MAP3K9: variants seen among roughly 807,000 people sequenced by gnomAD.
The protein encoded by MAP3K9 is mixed lineage kinase 1 (tyr and ser/thr specificity).
In MAP3K9, 46 loss-of-function variants were observed where a neutral mutation model predicts 95.8. The observed-to-expected ratio is 0.48, with a 90% confidence interval of 0.38 to 0.61. MAP3K9 has a LOEUF of 0.61. MAP3K9 is among the 20% of genes least tolerant of loss of function. The pLI, the probability that MAP3K9 is intolerant of heterozygous loss-of-function variation, is 0.00. For missense variants in MAP3K9, 1,296 were observed against 1,474.3 expected (o/e 0.88, Z 1.98); for synonymous variants, 533 against 593.8 (o/e 0.90, Z 1.49).
chr14:70,807,442 A>G (rs985327078), intron 1 of MAP3K9, among the ~76,000 whole-genome samples: 16 of 152,194 alleles, frequency 1.1e-4, no homozygotes, highest in Non-Finnish European at 1.9e-4. Flanking sequence ...GTGAGCTGAG[A>G]TTGCACCACT....
intron 9 of MAP3K9, among the ~76,000 whole-genome samples, chr14:70,735,248 G>T (rs547753647): frequency 6.6e-6 from 1 of 152,172 alleles, no homozygotes; most frequent in African/African-American, 2.4e-5. Context: ...TTTGTAGGAG[G>T]GGGGAACCAG....
chr14:70,738,399 C>T lies in MAP3K9; in HGVS notation c.1691-1G>A, dbSNP rs768544210. ...GTTTTGCTGCTTTCACCTGGTGTCA[C>T]TGTGAATCACAAGGGTTGGATAGGA... On this transcript the variant is annotated splice_acceptor_variant, in intron 7 of 11. Coordinates refer to ENST00000554752, the MANE Select transcript of MAP3K9 (RefSeq NM_001284230.2). LOFTEE classifies it high-confidence loss of function. 6.2e-6 allele frequency: 10 copies of T among 1,613,598 alleles called. No homozygotes were observed. Among genetic ancestry groups the T allele is most frequent in the Non-Finnish European group, 8.5e-6 (10 of 1,179,782 alleles).
At chr14:70,744,399 TCC>T (rs1422113214) in intron 5 of MAP3K9, among the ~76,000 whole-genome samples, 2 of 152,170 alleles carry the variant, frequency 1.3e-5, no homozygotes. Context: ...GCCAACTTAA[TCC>T]AGCTTAAAAT....
chr14:70,761,464 C>A lies in MAP3K9; in HGVS notation c.821-282G>T, dbSNP rs117296116. Among the ~76,000 whole-genome samples, 14 of 152,312 alleles carry A rather than the reference C, an allele frequency of 9.2e-5. 1 individual carries two copies. The East Asian group carries it at 2.7e-3, about 29-fold the overall frequency. On this transcript the variant is annotated intron_variant, in intron 2 of 11. Transcript: ENST00000554752. ...TGAAGAAACTAAAATACACATGTCA[C>A]AATTAAATAAATTCCTGGCTGGGCA...
Position 70,764,573 on chromosome 14 carries a change from G to A in MAP3K9, c.821-3391C>T, listed in dbSNP as rs890252220. Among the ~76,000 whole-genome samples, 9 of 152,012 alleles carry A rather than the reference G, an allele frequency of 5.9e-5. No individual in the cohort carries two copies. In the South Asian group the frequency reaches 1.0e-3, roughly 18 times the overall value. ...AGGCTGAGGGTGGTGGCTCATGCCT[G>A]TAATCCCAGCACTTTGGGAGGTCAA... On this transcript the variant is annotated intron_variant, in intron 2 of 11. Transcript: ENST00000554752.
chr14:70,796,198 G>A (rs930089771), intron 2 of MAP3K9, among the ~76,000 whole-genome samples: 6 of 152,260 alleles, frequency 3.9e-5, no homozygotes, highest in South Asian at 2.1e-4. Flanking sequence ...TTTCAACAAC[G>A]TGTTTGCTAA....
Position 70,809,240 on chromosome 14 carries a change from C to T in MAP3K9, c.-69G>A. 2 of 1,283,320 alleles carry T rather than the reference C, an allele frequency of 1.6e-6. No individual in the cohort carries two copies. The highest frequency in any genetic ancestry group is 2.0e-6 in the Non-Finnish European group (2 of 1,021,240). The allele number at this position is 1,283,320 out of a possible 1,614,324, so 79.5% of individuals were successfully genotyped here. ...GAGCCGCCGCCGCCTATTGTTCATGCGCCTCCGCAGAGCTGGGAGGACCCC... is the reference window on the plus strand; with the variant it reads ...GAGCCGCCGCCGCCTATTGTTCATGTGCCTCCGCAGAGCTGGGAGGACCCC... On this transcript the variant is annotated 5_prime_UTR_variant, in exon 1 of 12. Transcript: ENST00000554752.
At chr14:70,732,463 A>C (rs1292007432) in intron 11 of MAP3K9, 76 bp downstream of exon 11, 1 of 1,478,594 alleles carries the variant, frequency 6.8e-7, no homozygotes, top group African/African-American at 1.4e-5. Context: ...GTGGAAAGAG[A>C]AAATGAGGCC....
At chr14:70,747,796 T>C (rs985371179) in intron 5 of MAP3K9, among the ~76,000 whole-genome samples, 2 of 152,156 alleles carry the variant, frequency 1.3e-5, no homozygotes, top group African/African-American at 4.8e-5. Flanking sequence ...TATTATCACA[T>C]GGCTATTAAC....
At chr14:70,732,460 GA>G in intron 11 of MAP3K9, 78 bp downstream of exon 11, 5 of 1,477,810 alleles carry the variant, frequency 3.4e-6, no homozygotes, top group Non-Finnish European at 3.6e-6. Context: ...GAAGTGGAAA[GA>G]GAAAATGAGG....
At chr14:70,774,958 T>A (rs1332737451) in intron 2 of MAP3K9, among the ~76,000 whole-genome samples, 1 of 106,330 alleles carries the variant, frequency 9.4e-6, no homozygotes, top group African/African-American at 3.8e-5. Context: ...CACTCCAGCC[T>A]GGAGACAGAG....
At chr14:70,807,826 A>G (rs1035399515) in intron 1 of MAP3K9, among the ~76,000 whole-genome samples, 2 of 151,514 alleles carry the variant, frequency 1.3e-5, no homozygotes, top group Non-Finnish European at 1.5e-5. Context: ...AACTCCCTTG[A>G]AAAAAAAAGA....
At chr14:70,783,491 C>T (rs953018924) in intron 2 of MAP3K9, 9 of 808,846 alleles carry the variant, frequency 1.1e-5, no homozygotes, top group Non-Finnish European at 1.3e-5. Context: ...TTCCTCCCAT[C>T]ACAAAGCTCT....
chr14:70,738,390 C>T lies in MAP3K9; in HGVS notation c.1699G>A (p.Gly567Ser). 1 of 1,613,752 alleles carries T rather than the reference C, an allele frequency of 6.2e-7. No homozygotes were observed. Among genetic ancestry groups the T allele is most frequent in the Non-Finnish European group, 8.5e-7 (1 of 1,179,906 alleles). The change falls in exon 8 of 12, where the codon GGT becomes AGT. Residue 567 changes from glycine to serine, a missense_variant. Coordinates refer to ENST00000554752, the MANE Select transcript of MAP3K9 (RefSeq NM_001284230.2). ...PRLRAIQLTP[G>S]ESSKTWGRSS... is the part of the protein sequence containing the mutation. ...CTGCCCCAGGTTTTGCTGCTTTCAC[C>T]TGGTGTCACTGTGAATCACAAGGGT...
intron 1 of MAP3K9, among the ~76,000 whole-genome samples, 179 bp from the exon 2 acceptor site, chr14:70,801,259 C>T (rs200513905): frequency 1.4e-5 from 2 of 146,716 alleles, no homozygotes; most frequent in Admixed American, 1.3e-4. Context: ...TTTTCCTTTG[C>T]ATTTTCCTTA....
In MAP3K9 at chr14:70,726,266, T is replaced by G. The variant is rs1380871560; in HGVS notation, c.*4114A>C. The G allele has an allele frequency of 6.6e-6, 1 of 152,280 alleles. No individual in the cohort carries two copies. The highest frequency in any genetic ancestry group is 2.4e-5 in the African/African-American group (1 of 41,454). 9.4% of individuals were successfully genotyped at this position (152,280 alleles called of 1,614,324 possible). On this transcript the variant is annotated 3_prime_UTR_variant, in exon 12 of 12. Transcript: ENST00000554752. ...AAGAGAGTTCATGAAAAGTCAGGTC[T>G]AGATGTCCTTGGGGTATCTCATTGT...
intron 7 of MAP3K9, 93 bp downstream of exon 7, chr14:70,739,949 T>C (rs765998498): frequency 9.3e-6 from 15 of 1,614,058 alleles, no homozygotes; most frequent in Admixed American, 1.7e-5. Flanking sequence ...AAGTTATGGA[T>C]GGAGCAAGCC....
chr14:70,779,435 A>AC (rs1323622734), intron 2 of MAP3K9, among the ~76,000 whole-genome samples: 1 of 152,234 alleles, frequency 6.6e-6, no homozygotes, highest in African/African-American at 2.4e-5. Context: ...GGACAGTCAG[A>AC]CAGAGTAATT....
intron 5 of MAP3K9, among the ~76,000 whole-genome samples, chr14:70,746,766 T>G (rs924768457): frequency 4.6e-5 from 7 of 152,254 alleles, no homozygotes; most frequent in Non-Finnish European, 1.0e-4. Flanking sequence ...TATTATGAGT[T>G]TGACTTCCTA....
Sources: gnomAD v4.1 joint callset for allele counts (sites outside exome capture counted in the v4.1 genomes callset) on GRCh38, gnomAD v4.1.1 for gene constraint, MANE v1.5 for transcripts, NCBI Gene and HGNC (gene_info 2026-07-23, HGNC 2026-07-21) for gene names.